TPRG1: variants seen among roughly 807,000 people sequenced by gnomAD.
The protein encoded by TPRG1 is tumor protein p63-regulated gene 1 protein.
A neutral mutation model predicts 29.3 loss-of-function variants in TPRG1; 29 were observed. That is an observed-to-expected ratio of 0.99 (90% CI 0.74 to 1.35). The LOEUF (loss-of-function observed/expected upper bound fraction) is 1.35, where lower values mean the gene tolerates loss of function less well. TPRG1 is among the 40% of genes most tolerant of loss of function. The pLI is 0.00. For missense variants in TPRG1, 327 were observed against 335.0 expected, an observed-to-expected ratio of 0.98 and a Z score of 0.19; for synonymous variants, 130 against 116.8, an observed-to-expected ratio of 1.11 and a Z score of -0.73.
At chr3:189,283,129 A>G (rs1717441584) in intron 4 of TPRG1, among the ~76,000 whole-genome samples, 1 of 152,232 alleles carries the variant, frequency 6.6e-6, no homozygotes, top group Non-Finnish European at 1.5e-5. Context: ...TACGTAGCCC[A>G]TAATTTAAAT....
chr3:189,127,797 A>G (rs1722659356), intron 2 of TPRG1, among the ~76,000 whole-genome samples: 1 of 152,194 alleles, frequency 6.6e-6, no homozygotes, highest in Non-Finnish European at 1.5e-5. Flanking sequence ...TATGAAATCA[A>G]TGGCCTTTGT....
chr3:189,174,977 T>C lies in TPRG1; in HGVS notation c.-10+2846T>C, dbSNP rs114680689. ...AATACTAGAGACTAGCTTAATGATA[T>C]GTTTTCTCTTATTCACCCACTAATA... On this transcript the variant is annotated intron_variant, in intron 1 of 5. Coordinates refer to ENST00000345063, the MANE Select transcript of TPRG1 (RefSeq NM_198485.4). 5.7e-3 allele frequency among the ~76,000 whole-genome samples: 869 copies of C among 152,302 alleles called. 9 individuals are homozygous for C. The highest frequency in any genetic ancestry group is 0.018 in the African/African-American group (763 of 41,558).
At chr3:189,259,330 A>C (rs7626078) in intron 4 of TPRG1, among the ~76,000 whole-genome samples, 13,113 of 151,268 alleles carry the variant, frequency 0.087, 704 homozygotes, top group African/African-American at 0.16. Context: ...GGCTGTACCC[A>C]CTGTCTAATC....
At chr3:189,028,453 T>C (rs1713773435) in intron 4 of TPRG1, among the ~76,000 whole-genome samples, 1 of 152,200 alleles carries the variant, frequency 6.6e-6, no homozygotes, top group African/African-American at 2.4e-5. Context: ...GCATTGCTCA[T>C]GTGTTCCTTG....
At chr3:189,081,453 A>G (rs1717588135) in intron 4 of TPRG1, among the ~76,000 whole-genome samples, 1 of 152,210 alleles carries the variant, frequency 6.6e-6, no homozygotes, top group Non-Finnish European at 1.5e-5. Context: ...AGTCAGTATT[A>G]TGCAGGTAAT....
At chr3:189,115,551 C>A (rs1489308953) in intron 1 of TPRG1, among the ~76,000 whole-genome samples, 1 of 152,194 alleles carries the variant, frequency 6.6e-6, no homozygotes, top group Non-Finnish European at 1.5e-5. Context: ...CTTTATAATG[C>A]AGACTTTTAA....
At chr3:189,097,669 G>A (rs191525585), upstream of TPRG1, among the ~76,000 whole-genome samples, 462 of 152,244 alleles carry the variant, frequency 3.0e-3, 3 homozygotes, top group African/African-American at 5.3e-3. Context: ...GTTCATGGCC[G>A]TGAAAAATAT....
intron 4 of TPRG1, among the ~76,000 whole-genome samples, chr3:189,270,281 T>C (rs1156948442): frequency 6.6e-6 from 1 of 152,148 alleles, no homozygotes; most frequent in Non-Finnish European, 1.5e-5. Context: ...AATTTTGAAT[T>C]AGATCTCATC....
At chr3:189,237,561 TTTGAACCATGAC>T (rs1174150744) in intron 3 of TPRG1, among the ~76,000 whole-genome samples, 1 of 152,186 alleles carries the variant, frequency 6.6e-6, no homozygotes, top group Non-Finnish European at 1.5e-5. Flanking sequence ...GAATGAGGCA[TTTGAACCATGAC>T]TTGAACAATG....
At chr3:189,164,799 C>T (rs1482477266) in intron 5 of TPRG1, among the ~76,000 whole-genome samples, 1 of 152,020 alleles carries the variant, frequency 6.6e-6, no homozygotes, top group Non-Finnish European at 1.5e-5. Context: ...CCTCTGAAAA[C>T]GGATATGGCA....
At chr3:189,088,484 A>G (rs2152177138) in intron 4 of TPRG1, among the ~76,000 whole-genome samples, 1 of 152,244 alleles carries the variant, frequency 6.6e-6, no homozygotes, top group East Asian at 1.9e-4. Flanking sequence ...CTAATTGAAT[A>G]CCCTTTATTT....
intron 4 of TPRG1, among the ~76,000 whole-genome samples, chr3:189,027,056 G>A (rs772204818): frequency 6.6e-6 from 1 of 152,122 alleles, no homozygotes; most frequent in Non-Finnish European, 1.5e-5. Context: ...ATATCTGTAG[G>A]GTGCTTAGAA....
chr3:189,155,269 G>T (rs914732128), intron 5 of TPRG1, among the ~76,000 whole-genome samples: 3 of 152,158 alleles, frequency 2.0e-5, no homozygotes, highest in Non-Finnish European at 4.4e-5. Flanking sequence ...AGAAAAACTG[G>T]TTAGGAAGTT....
intron 4 of TPRG1, among the ~76,000 whole-genome samples, chr3:189,086,120 C>A (rs1468745759): frequency 1.3e-5 from 2 of 152,072 alleles, no homozygotes; most frequent in African/African-American, 4.8e-5. Flanking sequence ...GGCCTGAGAG[C>A]CCCTGGCAAA....
intron 3 of TPRG1, among the ~76,000 whole-genome samples, chr3:189,223,832 TATGTC>T (rs1737289621): frequency 6.6e-6 from 1 of 152,236 alleles, no homozygotes; most frequent in Non-Finnish European, 1.5e-5. Flanking sequence ...TGCCATATGT[TATGTC>T]ATGTAAGAGT....
intron 4 of TPRG1, among the ~76,000 whole-genome samples, chr3:189,287,490 C>T (rs983086864): frequency 3.3e-5 from 5 of 151,836 alleles, no homozygotes; most frequent in South Asian, 4.2e-4. Flanking sequence ...CTCCGCCTCC[C>T]AGGTTCATGC....
At position 189,078,068 on chromosome 3, in the gene TPRG1, C is replaced by CCTTTCTCTCTTTCTCT. The variant is rs1553899954; in HGVS notation, c.-462-48974_-462-48959dup. Among the ~76,000 whole-genome samples the CCTTTCTCTCTTTCTCT allele has an allele frequency of 9.7e-4, 120 of 124,126 alleles. 2 individuals carry two copies. Among genetic ancestry groups the CCTTTCTCTCTTTCTCT allele is most frequent in the African/African-American group, 3.9e-3 (114 of 29,120 alleles). 81.4% of individuals were successfully genotyped at this position (124,126 alleles called of 152,430 possible). A position where few individuals can be genotyped will look rare whatever the true frequency, so the allele number is the denominator to read the frequency against. On this transcript the variant is annotated intron_variant, in intron 4 of 10. Transcript: ENST00000433971. ...CCTTCCTTCCTTCCTTCCTTTCTCT[C>CCTTTCTCTCTTTCTCT]CTTTCTCTCTTTCTCTCTTTCTCTC...
chr3:189,313,925 A>G (rs1216358021), intron 5 of TPRG1, among the ~76,000 whole-genome samples: 1 of 152,238 alleles, frequency 6.6e-6, no homozygotes, highest in African/African-American at 2.4e-5. Context: ...GTTTAATGTT[A>G]CATAGTCCCC....
chr3:189,075,646 G>A (rs1045242171), intron 4 of TPRG1, among the ~76,000 whole-genome samples: 1 of 152,092 alleles, frequency 6.6e-6, no homozygotes, highest in South Asian at 2.1e-4. Flanking sequence ...TGGCATTCTG[G>A]GGCTTTAGAT....
Sources: gnomAD v4.1 joint callset for allele counts (sites outside exome capture counted in the v4.1 genomes callset) on GRCh38, gnomAD v4.1.1 for gene constraint, MANE v1.5 for transcripts, NCBI Gene and HGNC (gene_info 2026-07-23, HGNC 2026-07-21) for gene names.